The following MKLN1 variants were observed in gnomAD, a reference collection of about 807,000 sequenced individuals.
MKLN1 encodes the protein muskelin 1, also known as muskelin.
MKLN1 carries 18 observed loss-of-function variants against 99.0 expected under a neutral mutation model. The observed-to-expected ratio is 0.18, with a 90% confidence interval of 0.13 to 0.27. The LOEUF (loss-of-function observed/expected upper bound fraction) is 0.27, where lower values mean the gene tolerates loss of function less well. MKLN1 is among the 10% of genes least tolerant of loss of function. The probability of loss-of-function intolerance (pLI) is 1.00; values close to 1 mark genes in which losing one functional copy is unlikely to be tolerated. For missense variants in MKLN1, 621 were observed against 875.9 expected (o/e 0.71, Z 3.67); for synonymous variants, 288 against 293.2 (o/e 0.98, Z 0.18).
chr7:131,188,195 C>T (rs537036951), intron 2 of MKLN1, among the ~76,000 whole-genome samples: 5 of 152,286 alleles, frequency 3.3e-5, no homozygotes, highest in South Asian at 4.1e-4. Context: ...ATAGTTTCTA[C>T]GATTGGCTTT....
At chr7:131,419,228 G>GTGTA (rs1554571565) in intron 8 of MKLN1, among the ~76,000 whole-genome samples, 33 of 132,752 alleles carry the variant, frequency 2.5e-4, no homozygotes, top group African/African-American at 8.5e-4. Flanking sequence ...ATATATATAT[G>GTGTA]TATATATATA....
intron 17 of MKLN1, among the ~76,000 whole-genome samples, chr7:131,486,699 T>C (rs1313847254): frequency 6.6e-6 from 1 of 152,096 alleles, no homozygotes; most frequent in Non-Finnish European, 1.5e-5. Flanking sequence ...ATTTCAGGGA[T>C]AGGGGAAATT....
At position 131,487,748 on chromosome 7, in the gene MKLN1, A is replaced by AG. The variant is rs1424467365; in HGVS notation, c.*21dup. 1.9e-6 allele frequency: 3 copies of AG among 1,605,334 alleles called. No homozygotes were observed. Among genetic ancestry groups the AG allele is most frequent in the Non-Finnish European group, 2.5e-6 (3 of 1,176,998 alleles). On this transcript the variant is annotated 3_prime_UTR_variant, in exon 18 of 18. Coordinates refer to ENST00000352689, the MANE Select transcript of MKLN1 (RefSeq NM_013255.5). This position sits in a 1 kb window ranked among gnomAD's most constrained non-coding sequence, Gnocchi z 4.7. ...CTGTAACTGAAGAGTCACTGGACAC[A>AG]GAAATGGAAAACAGGAGTCGATTTT... is the stretch of plus-strand genomic sequence containing the variant.
intron 4 of MKLN1, among the ~76,000 whole-genome samples, chr7:131,391,121 A>ATAC (rs1364990367): frequency 6.6e-6 from 1 of 152,026 alleles, no homozygotes; most frequent in African/African-American, 2.4e-5. Context: ...GCCGTATGTT[A>ATAC]GGTCATATTT....
At chr7:131,184,403 T>C (rs1209683137) in intron 2 of MKLN1, among the ~76,000 whole-genome samples, 1 of 152,218 alleles carries the variant, frequency 6.6e-6, no homozygotes, top group African/African-American at 2.4e-5. Context: ...AGAGCAAGCC[T>C]GTCCTTAGAA....
At chr7:131,181,377 A>G (rs1043307276) in intron 2 of MKLN1, among the ~76,000 whole-genome samples, 5 of 152,218 alleles carry the variant, frequency 3.3e-5, no homozygotes, top group African/African-American at 9.6e-5. Flanking sequence ...GGTATTTAGT[A>G]TGAGTTTAAT....
At chr7:131,179,052 C>G (rs1196457036) in intron 2 of MKLN1, among the ~76,000 whole-genome samples, 2 of 152,142 alleles carry the variant, frequency 1.3e-5, no homozygotes, top group Non-Finnish European at 2.9e-5. Context: ...TTCTGAAGCA[C>G]TTGCTTCTCT....
intron 2 of MKLN1, 119 bp from the exon 3 acceptor site, chr7:131,387,001 A>G (rs754343909): frequency 3.5e-6 from 3 of 866,814 alleles, no homozygotes; most frequent in Admixed American, 3.1e-5. Context: ...AAAATCTGCT[A>G]GTACAGGATG....
At chr7:131,174,846 T>C (rs1796269490) in intron 2 of MKLN1, among the ~76,000 whole-genome samples, 1 of 152,142 alleles carries the variant, frequency 6.6e-6, no homozygotes, top group African/African-American at 2.4e-5. Context: ...TACTCTTGAG[T>C]AGAGTTATAG....
intron 1 of MKLN1, among the ~76,000 whole-genome samples, chr7:131,370,755 A>G (rs1450328689): frequency 6.6e-6 from 1 of 152,146 alleles, no homozygotes; most frequent in Non-Finnish European, 1.5e-5. Flanking sequence ...GAGATAGCAG[A>G]TTGTCACAGC....
intron 3 of MKLN1, among the ~76,000 whole-genome samples, chr7:131,269,787 C>A (rs1243263431): frequency 6.6e-6 from 1 of 152,144 alleles, no homozygotes; most frequent in Non-Finnish European, 1.5e-5. Flanking sequence ...ATTTTAGCTT[C>A]CTCAAATAAT....
At chr7:131,403,753 C>A (rs1338772711) in intron 6 of MKLN1, among the ~76,000 whole-genome samples, 1 of 152,090 alleles carries the variant, frequency 6.6e-6, no homozygotes, top group East Asian at 1.9e-4. Flanking sequence ...TCAGAACACA[C>A]ACAACATGGT....
rs567254225 is a variant in MKLN1, at chr7:131,226,017, G to A, written c.-179+23043G>A. Among the ~76,000 whole-genome samples, 5 of 130,110 alleles carry A rather than the reference G, an allele frequency of 3.8e-5. No homozygotes were observed. In the South Asian group the frequency reaches 7.3e-4, roughly 19 times the overall value. 85.4% of individuals were successfully genotyped at this position (130,110 alleles called of 152,430 possible). A position where few individuals can be genotyped will look rare whatever the true frequency, so the allele number is the denominator to read the frequency against. Reference sequence around the variant, plus strand: ...CTGTCCTTCCTGGCCTCTCTACCCCGCCTGCCTTCCCCCCTCCCTCCCTCC... The same window carrying A: ...CTGTCCTTCCTGGCCTCTCTACCCCACCTGCCTTCCCCCCTCCCTCCCTCC... On this transcript the variant is annotated intron_variant, in intron 3 of 7. Coordinates refer to the MKLN1 transcript ENST00000416992.
intron 15 of MKLN1, among the ~76,000 whole-genome samples, chr7:131,468,913 C>A (rs1215765250): frequency 6.6e-6 from 1 of 152,102 alleles, no homozygotes; most frequent in East Asian, 1.9e-4. Context: ...GATACCTCAG[C>A]TGAAAAAGAA....
chr7:131,491,085 G>A lies in MKLN1; in HGVS notation c.*3357G>A, dbSNP rs1025689739. 1 of 152,026 alleles carries A rather than the reference G, an allele frequency of 6.6e-6. No homozygotes were observed. The highest frequency in any genetic ancestry group is 2.4e-5 in the African/African-American group (1 of 41,398). The allele number at this position is 152,026 out of a possible 1,614,324, so 9.4% of individuals were successfully genotyped here. On this transcript the variant is annotated 3_prime_UTR_variant, in exon 18 of 18. Transcript: ENST00000352689. ...CATGGAATTCACTGGGTAATTGTGGGTCATTTATTTCCTGAAAGTCACGTG... is the reference window on the plus strand; with the variant it reads ...CATGGAATTCACTGGGTAATTGTGGATCATTTATTTCCTGAAAGTCACGTG...
intron 17 of MKLN1, among the ~76,000 whole-genome samples, chr7:131,480,768 T>A (rs79575233): frequency 0.018 from 2,675 of 152,314 alleles, 65 homozygotes; most frequent in African/African-American, 0.06. Context: ...GATACATGAA[T>A]TGGGGGTCTG....
At chr7:131,387,404 A>C (rs1230389766) in intron 3 of MKLN1, 142 bp downstream of exon 3, 6 of 567,752 alleles carry the variant, frequency 1.1e-5, no homozygotes, top group African/African-American at 7.8e-5. Flanking sequence ...GCCTTAGTTT[A>C]ATACTGTGGC....
intron 3 of MKLN1, among the ~76,000 whole-genome samples, chr7:131,262,332 G>A (rs1189968025): frequency 1.3e-5 from 2 of 151,852 alleles, no homozygotes; most frequent in East Asian, 3.9e-4. Flanking sequence ...AGCTACTTGG[G>A]AGGCTGAGGC....
At chr7:131,266,132 C>T (rs1198109970) in intron 3 of MKLN1, among the ~76,000 whole-genome samples, 1 of 145,146 alleles carries the variant, frequency 6.9e-6, no homozygotes, top group Non-Finnish European at 1.5e-5. Flanking sequence ...CGAGGTCATG[C>T]CACTACACTC....
Sources: allele counts gnomAD v4.1 joint callset (sites outside exome capture counted in the v4.1 genomes callset), GRCh38; gene constraint gnomAD v4.1.1; non-coding constraint Gnocchi (gnomAD v3.1); transcripts MANE v1.5; gene names NCBI Gene and HGNC (gene_info 2026-07-23, HGNC 2026-07-21).